SSUH2: variants seen among roughly 807,000 people sequenced by gnomAD.
SSUH2 encodes ssu-2 homolog.
Under a neutral mutation model 55.3 loss-of-function variants are expected in SSUH2, and 47 were observed. That is an observed-to-expected ratio of 0.85 (90% CI 0.67 to 1.08). SSUH2 has a LOEUF of 1.08. Among genes scored for constraint, SSUH2 ranks in the 50% least tolerant of loss-of-function variants. The pLI is 0.00. For synonymous variants in SSUH2, 212 were observed against 191.5 expected, an observed-to-expected ratio of 1.11 and a Z score of -0.89; for missense variants, 535 against 490.7, an observed-to-expected ratio of 1.09 and a Z score of -0.85.
At chr3:8,645,595 C>T (rs1701577191), upstream of SSUH2, among the ~76,000 whole-genome samples, 1 of 152,180 alleles carries the variant, frequency 6.6e-6, no homozygotes, top group Non-Finnish European at 1.5e-5. Flanking sequence ...GGCAATCACT[C>T]CTCTGCAGCT....
At chr3:8,630,638 C>G (rs1698570381) in intron 6 of SSUH2, among the ~76,000 whole-genome samples, 167 bp downstream of exon 6, 1 of 152,192 alleles carries the variant, frequency 6.6e-6, no homozygotes, top group South Asian at 2.1e-4. Flanking sequence ...GGACTACATT[C>G]CATATACCAG....
At chr3:8,626,483 A>G (rs1380525531) in intron 8 of SSUH2, among the ~76,000 whole-genome samples, 162 bp from the exon 9 acceptor site, 3 of 151,696 alleles carry the variant, frequency 2.0e-5, no homozygotes, top group Non-Finnish European at 4.4e-5. Context: ...CAGTGCCCCA[A>G]TATCTCTATG....
chr3:8,635,898 C>G, intron 1 of SSUH2, 41 bp from the exon 2 acceptor site: 4 of 1,513,018 alleles, frequency 2.6e-6, no homozygotes, highest in East Asian at 4.9e-5. Flanking sequence ...GGTAGGGAGG[C>G]GAGGGCTGAT....
intron 7 of SSUH2, among the ~76,000 whole-genome samples, chr3:8,650,252 T>A (rs1212047428): frequency 6.6e-6 from 1 of 152,198 alleles, no homozygotes; most frequent in African/African-American, 2.4e-5. Flanking sequence ...TGGCACTTAC[T>A]TCTATCCAAC....
In SSUH2 at chr3:8,627,783, C is replaced by T. The variant is rs1222625336; in HGVS notation, c.589G>A (p.Val197Met). 2 of 1,608,460 alleles carry T rather than the reference C, an allele frequency of 1.2e-6. No individual in the cohort carries two copies. Among genetic ancestry groups the T allele is most frequent in the Non-Finnish European group, 1.7e-6 (2 of 1,177,522 alleles). The change falls in exon 8 of 12, where the codon GTG (valine) becomes ATG (methionine). Residue 197 changes from valine to methionine, a missense_variant and splice_region_variant. Physicochemically the swap from Val to Met is conservative, Grantham distance 21. Coordinates refer to ENST00000544814, the MANE Select transcript of SSUH2 (RefSeq NM_001256748.3). ...GCTCCGCAGCAGGATGGGCACCGCA[C>T]CTGCAGACACACCACTGCCTCAGCC... is the stretch of plus-strand genomic sequence containing the variant. ...KCSGCHGAGTVRCPSCCGAKR... is the reference protein window; with the variant it reads ...KCSGCHGAGTMRCPSCCGAKR...
chr3:8,676,235 C>T (rs61361966), intron 3 of SSUH2, among the ~76,000 whole-genome samples: 5 of 151,932 alleles, frequency 3.3e-5, no homozygotes, highest in African/African-American at 9.7e-5. Context: ...AGGGTGTACA[C>T]CCGTCTGTAC....
chr3:8,674,197 G>C (rs1293731876), intron 3 of SSUH2, among the ~76,000 whole-genome samples: 1 of 152,238 alleles, frequency 6.6e-6, no homozygotes. Flanking sequence ...GCAATCAGAG[G>C]GGTCCCCCCA....
Position 8,619,977 on chromosome 3 carries a change from T to C in SSUH2, c.1019A>G (p.His340Arg). Residue 340 changes from histidine (H) to arginine (R), a missense_variant, in exon 12 of 12, where the codon CAC becomes CGC. By Grantham distance (29) the His-to-Arg change is conservative (BLOSUM62 0). Coordinates refer to ENST00000544814, the MANE Select transcript of SSUH2 (RefSeq NM_001256748.3). Reference protein sequence around the residue: ...TIELIPLTEVHYWYQGKTYVY... With the variant: ...TIELIPLTEVRYWYQGKTYVY... ...ATAAGTCTTTCCTTGGTACCAATAG[T>C]GAACTTCTGTGAGGGGGATCAGCTC... 6.2e-7 allele frequency: 1 copy of C among 1,614,126 alleles called. No individual in the cohort carries two copies. Among genetic ancestry groups the C allele is most frequent in the South Asian group, 1.1e-5 (1 of 91,082 alleles).
chr3:8,669,861 A>G (rs1704353853), intron 5 of SSUH2, among the ~76,000 whole-genome samples: 1 of 98,204 alleles, frequency 1.0e-5, no homozygotes, highest in Admixed American at 1.2e-4. Flanking sequence ...ACTGTCACAG[A>G]TCGGAGGAGA....
chr3:8,652,123 A>G (rs544088190), intron 7 of SSUH2: 1 of 152,478 alleles, frequency 6.6e-6, no homozygotes, highest in South Asian at 2.1e-4. Context: ...CATCCCCAGA[A>G]GGAAAATCAA....
intron 3 of SSUH2, among the ~76,000 whole-genome samples, chr3:8,674,920 C>A (rs1705063527): frequency 6.6e-6 from 1 of 152,106 alleles, no homozygotes; most frequent in Non-Finnish European, 1.5e-5. Flanking sequence ...TGCGGCCCAG[C>A]CGGTTAGGCA....
At chr3:8,646,597 A>G (rs889989737), upstream of SSUH2, among the ~76,000 whole-genome samples, 1 of 152,246 alleles carries the variant, frequency 6.6e-6, no homozygotes, top group African/African-American at 2.4e-5. Flanking sequence ...AACGCATGGA[A>G]GATAAACAAA....
Position 8,620,142 on chromosome 3 carries a change from G to T in SSUH2, c.982-128C>A, listed in dbSNP as rs990590236. 5 of 1,020,056 alleles carry T rather than the reference G, an allele frequency of 4.9e-6. No homozygotes were observed. The South Asian group carries it at 8.5e-5, about 17-fold the overall frequency. The allele number at this position is 1,020,056 out of a possible 1,614,324, so 63.2% of individuals were successfully genotyped here. On this transcript the variant is annotated intron_variant, in intron 11 of 11. Transcript: ENST00000544814. ...CTGCTCTGGAGTTGGCATTCAATAT[G>T]GTTTGGCTCTGTGTTCCCACCCAAA...
At chr3:8,630,778 T>G (rs1698601048) in intron 6 of SSUH2, 27 bp downstream of exon 6, 1 of 1,355,386 alleles carries the variant, frequency 7.4e-7, no homozygotes, top group Non-Finnish European at 9.6e-7. Context: ...AGGGCAAGTA[T>G]TCCAGTAATC....
At chr3:8,637,510 T>C (rs1252570892) in intron 1 of SSUH2, among the ~76,000 whole-genome samples, 1 of 152,170 alleles carries the variant, frequency 6.6e-6, no homozygotes, top group Non-Finnish European at 1.5e-5. Context: ...CCACTTGACA[T>C]GAGGCACATG....
chr3:8,624,134 C>T (rs962714048), intron 10 of SSUH2, among the ~76,000 whole-genome samples: 1 of 147,484 alleles, frequency 6.8e-6, no homozygotes, highest in African/African-American at 2.7e-5. Flanking sequence ...GGCATCTCCT[C>T]GGTCCCCAAA....
intron 6 of SSUH2, among the ~76,000 whole-genome samples, chr3:8,663,198 A>G (rs1703666635): frequency 6.6e-6 from 1 of 152,248 alleles, no homozygotes; most frequent in Non-Finnish European, 1.5e-5. Flanking sequence ...TCATAAAGCT[A>G]AAGTTCGTGG....
At chr3:8,664,396 C>A (rs573924788) in intron 5 of SSUH2, among the ~76,000 whole-genome samples, 1 of 152,358 alleles carries the variant, frequency 6.6e-6, no homozygotes, top group South Asian at 2.1e-4. Flanking sequence ...CACAGCCCCA[C>A]AGCCCACACA....
At chr3:8,631,244 T>C (rs1575109665) in intron 5 of SSUH2, among the ~76,000 whole-genome samples, 2 of 152,056 alleles carry the variant, frequency 1.3e-5, no homozygotes, top group South Asian at 2.1e-4. Flanking sequence ...CCATACAAGA[T>C]GGTAGTGAAA....
Sources: allele counts gnomAD v4.1 joint callset (sites outside exome capture counted in the v4.1 genomes callset), GRCh38; gene constraint gnomAD v4.1.1; transcripts MANE v1.5; gene names NCBI Gene and HGNC (gene_info 2026-07-23, HGNC 2026-07-21).